The following PTPRA variants were observed in gnomAD, a reference collection of about 807,000 sequenced individuals.
PTPRA encodes receptor-type tyrosine-protein phosphatase alpha.
Under a neutral mutation model 104.8 loss-of-function variants are expected in PTPRA, and 25 were observed. The ratio of observed to expected loss-of-function variants is 0.24; its 90% CI spans 0.17 to 0.33. The LOEUF is 0.33. PTPRA is among the 10% of genes least tolerant of loss of function. The pLI, the probability that PTPRA is intolerant of heterozygous loss-of-function variation, is 1.00. For missense variants in PTPRA, 765 were observed against 1,015.3 expected (o/e 0.75, Z 3.35); for synonymous variants, 323 against 368.9 (o/e 0.88, Z 1.43).
Position 3,022,289 on chromosome 20 carries a change from C to T in PTPRA, c.1328+69C>T. The T allele has an allele frequency of 6.4e-7, 1 of 1,555,546 alleles. No individual in the cohort carries two copies. Among genetic ancestry groups the T allele is most frequent in the South Asian group, 1.2e-5 (1 of 84,820 alleles). ...CCCCATGGCCAGAGCAGGGGAACAG[C>T]ACAAGGGCCCTGGCTGAGGAGGCTG... is the stretch of plus-strand genomic sequence containing the variant. On this transcript the variant is annotated intron_variant, in intron 15 of 23. Transcript: ENST00000399903. This position sits in a 1 kb window ranked among gnomAD's most constrained non-coding sequence, Gnocchi z 4.6.
At chr20:2,994,315 G>GC (rs1225594068) in intron 9 of PTPRA, among the ~76,000 whole-genome samples, 1 of 152,148 alleles carries the variant, frequency 6.6e-6, no homozygotes. Context: ...GGATGAGGGG[G>GC]CCCCCTCTCT....
At chr20:2,917,703 G>A (rs1290654376) in intron 1 of PTPRA, among the ~76,000 whole-genome samples, 1 of 152,090 alleles carries the variant, frequency 6.6e-6, no homozygotes, top group Non-Finnish European at 1.5e-5. Flanking sequence ...TGGGTGTAGT[G>A]GCACATGCCT....
At chr20:3,029,526 T>C (rs929647724) in intron 20 of PTPRA, among the ~76,000 whole-genome samples, 10 of 145,678 alleles carry the variant, frequency 6.9e-5, no homozygotes, top group South Asian at 2.3e-4. Flanking sequence ...ACATACTTTG[T>C]AGGTCTTCAT....
chr20:3,037,002 C>G lies in PTPRA; in HGVS notation c.2199-152C>G. The G allele has an allele frequency of 9.1e-7, 1 of 1,097,938 alleles. No individual in the cohort carries two copies. The highest frequency in any genetic ancestry group is 1.5e-5 in the South Asian group (1 of 65,786). The allele number at this position is 1,097,938 out of a possible 1,614,324, so 68.0% of individuals were successfully genotyped here. A position where few individuals can be genotyped will look rare whatever the true frequency, so the allele number is the denominator to read the frequency against. On this transcript the variant is annotated intron_variant, in intron 22 of 23. Coordinates refer to ENST00000399903, the MANE Select transcript of PTPRA (RefSeq NM_001385305.1). The surrounding 1 kb of genome is among the most constrained non-coding windows in gnomAD (Gnocchi z 4.3). ...AGGAAGGGCACAGGGTACACTGCCT[C>G]CCGACCCAGAACCCCTCCAGGCTGG...
intron 17 of PTPRA, among the ~76,000 whole-genome samples, 196 bp downstream of exon 17, chr20:3,024,817 G>A (rs2065053561): frequency 6.6e-6 from 1 of 152,198 alleles, no homozygotes; most frequent in African/African-American, 2.4e-5. Context: ...TTGTGTTAGA[G>A]TAGGGAGAAG....
intron 20 of PTPRA, 63 bp downstream of exon 20, chr20:3,027,904 T>C (rs1269360978): frequency 8.2e-6 from 13 of 1,594,602 alleles, no homozygotes; most frequent in African/African-American, 1.3e-5. Context: ...TGTGTGTAAA[T>C]GGGGACGTTG....
intron 1 of PTPRA, among the ~76,000 whole-genome samples, chr20:2,910,123 G>A (rs1267550253): frequency 8.7e-6 from 1 of 114,494 alleles, no homozygotes; most frequent in Non-Finnish European, 1.6e-5. Flanking sequence ...ATGATGTATA[G>A]TATATATGAT....
At chr20:3,011,455 A>G (rs1470324645) in intron 11 of PTPRA, among the ~76,000 whole-genome samples, 1 of 152,214 alleles carries the variant, frequency 6.6e-6, no homozygotes, top group Non-Finnish European at 1.5e-5. Context: ...CAAAGGAGGT[A>G]TTGCCAGGTT....
intron 2 of PTPRA, among the ~76,000 whole-genome samples, chr20:2,941,019 T>G (rs2060893957): frequency 6.6e-6 from 1 of 152,018 alleles, no homozygotes; most frequent in South Asian, 2.1e-4. Flanking sequence ...CTGGTTTTTT[T>G]TTGGGGGTTT....
Position 2,898,315 on chromosome 20 carries a change from T to C in PTPRA, c.-129+24555T>C, listed in dbSNP as rs192349471. ...CAGGATGGTCTCGATCTCCTGACCTTGTGATCCGCCCACCTCGGCCTCCCA... is the reference window on the plus strand; with the variant it reads ...CAGGATGGTCTCGATCTCCTGACCTCGTGATCCGCCCACCTCGGCCTCCCA... On this transcript the variant is annotated intron_variant, in intron 1 of 23. Coordinates refer to ENST00000399903, the MANE Select transcript of PTPRA (RefSeq NM_001385305.1). Among the ~76,000 whole-genome samples the C allele has an allele frequency of 3.9e-3, 591 of 151,492 alleles. 3 individuals are homozygous for C. Among genetic ancestry groups the C allele is most frequent in the Non-Finnish European group, 7.3e-3 (492 of 67,784 alleles).
intron 10 of PTPRA, among the ~76,000 whole-genome samples, chr20:3,006,953 T>A (rs2063903245): frequency 6.6e-6 from 1 of 152,068 alleles, no homozygotes; most frequent in South Asian, 2.1e-4. Context: ...TATGTGCACA[T>A]GTTGGAGGAG....
chr20:2,931,718 T>TTG (rs11469421), intron 2 of PTPRA, among the ~76,000 whole-genome samples: 1,815 of 149,820 alleles, frequency 0.012, 34 homozygotes, highest in South Asian at 0.03. Context: ...GGGTCTTGGC[T>TTG]TGTGTGTGTG....
intron 11 of PTPRA, among the ~76,000 whole-genome samples, chr20:3,009,667 C>T (rs180770892): frequency 2.6e-5 from 4 of 151,932 alleles, no homozygotes; most frequent in African/African-American, 7.2e-5. Context: ...TTGTTGTAGT[C>T]GATAAGGAAA....
At position 3,038,078 on chromosome 20, in the gene PTPRA, A is replaced by T. The variant is rs1420996228; in HGVS notation, c.2354A>T (p.Tyr785Phe). ...VQTLEQYEFC[Y>F]KVVQEYIDAF... is the part of the protein sequence containing the mutation. ...CTCCAGGAACAGTATGAGTTCTGCT[A>T]CAAGGTGGTGCAGGAGTATATTGAT... is the stretch of plus-strand genomic sequence containing the variant. Residue 785 changes from tyrosine to phenylalanine, a missense_variant, in exon 24 of 24, where the codon TAC becomes TTC. Coordinates refer to ENST00000399903, the MANE Select transcript of PTPRA (RefSeq NM_001385305.1). The T allele has an allele frequency of 6.2e-7, 1 of 1,613,112 alleles. No individual in the cohort carries two copies. Among genetic ancestry groups the T allele is most frequent in the Non-Finnish European group, 8.5e-7 (1 of 1,179,130 alleles).
At chr20:2,874,069 G>A (rs1417029416) in intron 1 of PTPRA, among the ~76,000 whole-genome samples, 1 of 152,212 alleles carries the variant, frequency 6.6e-6, no homozygotes, top group Non-Finnish European at 1.5e-5. Flanking sequence ...AAGAAACTTA[G>A]AACGGCGAGA....
At chr20:2,891,820 A>G (rs186639285) in intron 1 of PTPRA, among the ~76,000 whole-genome samples, 2 of 152,278 alleles carry the variant, frequency 1.3e-5, no homozygotes, top group South Asian at 2.1e-4. Context: ...CATGTAACCT[A>G]TGCACATCCT....
chr20:2,890,114 C>G (rs2058740222), intron 1 of PTPRA, among the ~76,000 whole-genome samples: 1 of 145,880 alleles, frequency 6.9e-6, no homozygotes, highest in African/African-American at 2.6e-5. Flanking sequence ...CTAGGATGAT[C>G]TCAAATTCCT....
intron 10 of PTPRA, 111 bp from the exon 11 acceptor site, chr20:3,007,233 C>G (rs932595360): frequency 3.0e-6 from 3 of 1,001,496 alleles, no homozygotes; most frequent in South Asian, 3.2e-5. Context: ...CATCTTTATA[C>G]AAGCGTGAGT....
chr20:2,975,138 T>C (rs2062376853), intron 5 of PTPRA, 77 bp from the exon 6 acceptor site: 1 of 1,297,510 alleles, frequency 7.7e-7, no homozygotes. Flanking sequence ...CTGGAGCTTG[T>C]TTTGTTGTAC....
Sources: gnomAD v4.1 joint callset for allele counts (sites outside exome capture counted in the v4.1 genomes callset) on GRCh38, gnomAD v4.1.1 for gene constraint, Gnocchi (gnomAD v3.1) non-coding constraint, MANE v1.5 for transcripts, NCBI Gene and HGNC (gene_info 2026-07-23, HGNC 2026-07-21) for gene names.